IL1RAPL1: variants seen among roughly 807,000 people sequenced by gnomAD.
The protein encoded by IL1RAPL1 is interleukin 1 receptor accessory protein like 1.
A neutral mutation model predicts 48.4 loss-of-function variants in IL1RAPL1; 3 were observed. The ratio of observed to expected loss-of-function variants is 0.06; its 90% CI spans 0.03 to 0.16. The LOEUF (loss-of-function observed/expected upper bound fraction) is 0.16. IL1RAPL1 is among the 10% of genes least tolerant of loss of function. The pLI is 1.00. For synonymous variants in IL1RAPL1, 185 were observed against 187.7 expected (o/e 0.99, Z 0.12); for missense variants, 349 against 530.6 (o/e 0.66, Z 3.36).
chrX:29,189,089 G>A (rs1009208557), intron 2 of IL1RAPL1, among the ~76,000 whole-genome samples: 3 of 111,904 alleles, frequency 2.7e-5, no homozygotes, highest in Non-Finnish European at 3.8e-5. Context: ...TAGATAGTAC[G>A]TGTTTTTTAT....
intron 1 of IL1RAPL1, among the ~76,000 whole-genome samples, chrX:28,666,996 T>C (rs1934887935): frequency 8.9e-6 from 1 of 111,952 alleles, no homozygotes; most frequent in South Asian, 3.7e-4. Flanking sequence ...AGTTTTCTTG[T>C]AGTGTGGAGA....
At chrX:29,547,246 G>A (rs1921652676) in intron 5 of IL1RAPL1, among the ~76,000 whole-genome samples, 1 of 111,207 alleles carries the variant, frequency 9.0e-6, no homozygotes, top group Non-Finnish European at 1.9e-5. Context: ...TTCGTGAGTT[G>A]TTTTGTAACT....
intron 1 of IL1RAPL1, among the ~76,000 whole-genome samples, chrX:28,667,222 G>T (rs1934890580): frequency 1.8e-5 from 2 of 111,839 alleles, no homozygotes; most frequent in South Asian, 7.5e-4. Flanking sequence ...ACCCAAGATA[G>T]TTATGGTGAC....
At chrX:28,854,734 T>C (rs1016986602) in intron 2 of IL1RAPL1, among the ~76,000 whole-genome samples, 1 of 110,866 alleles carries the variant, frequency 9.0e-6, no homozygotes, top group East Asian at 2.9e-4. Flanking sequence ...GTTAGGAAAG[T>C]AAGACAAAAC....
chrX:29,637,714 A>G (rs1925020167), intron 5 of IL1RAPL1, among the ~76,000 whole-genome samples: 1 of 111,590 alleles, frequency 9.0e-6, no homozygotes, highest in Admixed American at 9.5e-5. Flanking sequence ...TATCTCTCCC[A>G]TTACATTGGA....
chrX:29,272,700 A>G (rs1171830222), intron 2 of IL1RAPL1, among the ~76,000 whole-genome samples: 1 of 111,731 alleles, frequency 9.0e-6, no homozygotes, highest in African/African-American at 3.3e-5. Flanking sequence ...ATGCTGGCCT[A>G]TTAGCAAGGT....
At chrX:29,498,722 C>G (rs989006783) in intron 5 of IL1RAPL1, among the ~76,000 whole-genome samples, 1 of 111,407 alleles carries the variant, frequency 9.0e-6, no homozygotes, top group African/African-American at 3.3e-5. Flanking sequence ...CTGATTAACA[C>G]CATACCATTC....
At chrX:28,739,805 C>T (rs754991875) in intron 1 of IL1RAPL1, among the ~76,000 whole-genome samples, 1 of 111,400 alleles carries the variant, frequency 9.0e-6, no homozygotes, top group Non-Finnish European at 1.9e-5. Flanking sequence ...TCTTCATCTC[C>T]TTTCCAAGGC....
At chrX:29,077,922 G>T (rs1381676505) in intron 2 of IL1RAPL1, among the ~76,000 whole-genome samples, 1 of 111,470 alleles carries the variant, frequency 9.0e-6, no homozygotes, top group East Asian at 2.8e-4. Context: ...GTTGGGAGTG[G>T]GAAGAGAGCA....
chrX:29,802,781 ATGTGTGTGTG>A (rs1262811121), intron 6 of IL1RAPL1, among the ~76,000 whole-genome samples: 2,319 of 32,503 alleles, frequency 0.071, 126 homozygotes, highest in East Asian at 0.094. Context: ...ATATATATAT[ATGTGTGTGTG>A]TATATATATA....
chrX:29,104,661 G>T (rs1183600809), intron 2 of IL1RAPL1, among the ~76,000 whole-genome samples: 3 of 111,162 alleles, frequency 2.7e-5, no homozygotes, highest in African/African-American at 9.8e-5. Flanking sequence ...AATGCTTGAG[G>T]TGATAGATAT....
chrX:29,553,937 T>A (rs1921905825), intron 5 of IL1RAPL1, among the ~76,000 whole-genome samples: 1 of 110,870 alleles, frequency 9.0e-6, no homozygotes, highest in Admixed American at 9.6e-5. Context: ...TTTTTTTTTT[T>A]TTTATTCGAG....
intron 1 of IL1RAPL1, among the ~76,000 whole-genome samples, chrX:28,681,118 C>T (rs1374967986): frequency 9.0e-6 from 1 of 111,125 alleles, no homozygotes; most frequent in Admixed American, 9.6e-5. Flanking sequence ...TTCAGGCTTT[C>T]TTTTTATTCT....
intron 6 of IL1RAPL1, among the ~76,000 whole-genome samples, chrX:29,854,158 C>CTTCCAGGAGAAAGACTTTA (rs1247198965): frequency 1.8e-5 from 2 of 112,270 alleles, no homozygotes; most frequent in Admixed American, 9.4e-5. Context: ...CTTCTACTTA[C>CTTCCAGGAGAAAGACTTTA]TTCCAGGAGA....
At chrX:29,120,440 A>G (rs1362281898) in intron 2 of IL1RAPL1, among the ~76,000 whole-genome samples, 1 of 111,712 alleles carries the variant, frequency 9.0e-6, no homozygotes, top group African/African-American at 3.3e-5. Flanking sequence ...GTCTAAGATC[A>G]GATGGCTGTA....
In IL1RAPL1 at chrX:29,115,515, T is replaced by G. The variant is rs181787611; in HGVS notation, c.83-167423T>G. Among the ~76,000 whole-genome samples the G allele has an allele frequency of 7.2e-5, 8 of 111,214 alleles. No homozygotes were observed. The East Asian group carries it at 2.2e-3, about 31-fold the overall frequency. ...TTTTATTGTTATGTAGTCTTTTGTC[T>G]GATATATTATTATATAATTTATATG... On this transcript the variant is annotated intron_variant, in intron 2 of 10. Coordinates refer to ENST00000378993, the MANE Select transcript of IL1RAPL1 (RefSeq NM_014271.4).
rs755199534 is a variant in IL1RAPL1, at chrX:28,904,248, G to A, written c.82+114823G>A. ...AATTTTGAGAACATGGAAGCTCAAGGACACACTGTAAGTGCAGGAGATGGA... is the reference window on the plus strand; with the variant it reads ...AATTTTGAGAACATGGAAGCTCAAGAACACACTGTAAGTGCAGGAGATGGA... On this transcript the variant is annotated intron_variant, in intron 2 of 10. Transcript: ENST00000378993. 3.6e-5 allele frequency among the ~76,000 whole-genome samples: 4 copies of A among 111,510 alleles called. No individual in the cohort carries two copies. In the East Asian group the frequency reaches 8.4e-4, roughly 23 times the overall value.
At chrX:28,943,125 T>C (rs1327831087) in intron 2 of IL1RAPL1, among the ~76,000 whole-genome samples, 1 of 108,751 alleles carries the variant, frequency 9.2e-6, no homozygotes, top group African/African-American at 3.3e-5. Context: ...GGAACCTATT[T>C]ATCTCTTTAT....
At chrX:29,650,273 G>T (rs187826553) in intron 5 of IL1RAPL1, among the ~76,000 whole-genome samples, 55 of 111,573 alleles carry the variant, frequency 4.9e-4, no homozygotes, top group Non-Finnish European at 9.3e-4. Context: ...ATAGAACAAA[G>T]AATCCAATAG....
Sources: gnomAD v4.1 joint callset for allele counts (sites outside exome capture counted in the v4.1 genomes callset) on GRCh38, gnomAD v4.1.1 for gene constraint, MANE v1.5 for transcripts, NCBI Gene and HGNC (gene_info 2026-07-23, HGNC 2026-07-21) for gene names.